Variants in GDF5 observed in about 807,000 individuals in gnomAD.
GDF5 encodes the protein growth differentiation factor 5, also known as growth/differentiation factor 5.
A neutral mutation model predicts 34.6 loss-of-function variants in GDF5; 17 were observed. The ratio of observed to expected loss-of-function variants is 0.49; its 90% CI spans 0.34 to 0.74. The LOEUF (loss-of-function observed/expected upper bound fraction) is 0.74. Ranked by LOEUF, GDF5 falls within the 30% of genes least tolerant of loss-of-function variation. GDF5 has a pLI of 0.01. For missense variants in GDF5, 616 were observed against 661.2 expected, an observed-to-expected ratio of 0.93 and a Z score of 0.75; for synonymous variants, 332 against 290.7, an observed-to-expected ratio of 1.14 and a Z score of -1.44.
chr20:35,446,321 AC>A (rs1186981681), intron 1 of GDF5, among the ~76,000 whole-genome samples: 1 of 152,176 alleles, frequency 6.6e-6, no homozygotes, highest in Non-Finnish European at 1.5e-5. Context: ...AAAAACAACA[AC>A]AAAAAAAAAC....
intron 1 of GDF5, chr20:35,454,113 G>A: frequency 4.5e-6 from 2 of 442,638 alleles, no homozygotes; most frequent in Non-Finnish European, 9.4e-6. Flanking sequence ...GAGTGCAAGA[G>A]TGAGGCAGGT....
Position 35,434,224 on chromosome 20 carries a change from C to G in GDF5, c.1191G>C (p.Lys397Asn), listed in dbSNP as rs370668642. The stretch of plus-strand genomic sequence containing the variant: ...GCAGTGCCTTCCGACTGCAGCGAGC[C>G]TTAAGGTTCTTGCTGGGTCGCTTGC... ...RQGKRPSKNL[K>N]ARCSRKALHV... The change falls in exon 2 of 2, where the codon AAG becomes AAC. Residue 397 changes from lysine to asparagine, a missense_variant. Coordinates refer to ENST00000374369, the MANE Select transcript of GDF5 (RefSeq NM_000557.5). The G allele has an allele frequency of 3.7e-6, 6 of 1,614,106 alleles. No individual in the cohort carries two copies. Among genetic ancestry groups the G allele is most frequent in the Non-Finnish European group, 5.1e-6 (6 of 1,180,044 alleles).
chr20:35,445,582 T>C (rs1477547292), intron 1 of GDF5, among the ~76,000 whole-genome samples: 1 of 152,140 alleles, frequency 6.6e-6, no homozygotes, highest in Non-Finnish European at 1.5e-5. Flanking sequence ...GAAAATCATT[T>C]GAACCCAGGA....
At chr20:35,435,815 G>T (rs1002854668) in intron 1 of GDF5, among the ~76,000 whole-genome samples, 6 of 152,214 alleles carry the variant, frequency 3.9e-5, no homozygotes, top group Non-Finnish European at 8.8e-5. Flanking sequence ...ATATGAAAGA[G>T]TGTATACGTT....
At position 35,438,202 on chromosome 20, in the gene GDF5, CG is replaced by C. The variant is rs1555823599; in HGVS notation, c.-275del. The C allele has an allele frequency of 1.9e-6, 1 of 534,004 alleles. No individual in the cohort carries two copies. The highest frequency in any genetic ancestry group is 2.1e-5 in the South Asian group (1 of 46,950). The allele number at this position is 534,004 out of a possible 1,614,324, so 33.1% of individuals were successfully genotyped here. On this transcript the variant is annotated 5_prime_UTR_variant, in exon 1 of 2. Transcript: ENST00000374369. ...TAACTCGTTCTTGAAAGGAGAAAGC[CG>C]ACCGCCCCCTTTCTCCTGCACAACT...
At chr20:35,451,862 T>C (rs2062535014) in intron 1 of GDF5, among the ~76,000 whole-genome samples, 1 of 152,094 alleles carries the variant, frequency 6.6e-6, no homozygotes, top group African/African-American at 2.4e-5. Context: ...ACTGATGTGG[T>C]GTACTCTTAT....
rs1437155538 is a variant in GDF5 at position 35,437,709 on chromosome 20, C to T, written c.220G>A (p.Ala74Thr). 2 of 1,613,928 alleles carry T rather than the reference C, an allele frequency of 1.2e-6. No individual in the cohort carries two copies. Among genetic ancestry groups the T allele is most frequent in the Admixed American group, 3.3e-5 (2 of 59,990 alleles). The change falls in exon 1 of 2, where the codon GCC becomes ACC. Residue 74 changes from alanine to threonine, a missense_variant. Physicochemically the swap from Ala to Thr is moderately conservative, Grantham distance 58 (BLOSUM62 0). Coordinates refer to ENST00000374369, the MANE Select transcript of GDF5 (RefSeq NM_000557.5). ...TGCCCGGTGCCTCCCTTTGCCCTGG[C>T]ATTGGCATTGGTGGCCCCCCCACCA... ...SYGGGATNANARAKGGTGQTG... is the reference protein window; with the variant it reads ...SYGGGATNANTRAKGGTGQTG...
chr20:35,445,505 A>G (rs1039002621), intron 1 of GDF5, among the ~76,000 whole-genome samples: 2 of 152,030 alleles, frequency 1.3e-5, no homozygotes, highest in African/African-American at 4.8e-5. Context: ...CTCTACTAAA[A>G]ATACAAAAAT....
chr20:35,437,591 T>A lies in GDF5; in HGVS notation c.338A>T (p.Gln113Leu). 6.2e-7 allele frequency: 1 copy of A among 1,614,104 alleles called. No homozygotes were observed. Among genetic ancestry groups the A allele is most frequent in the Non-Finnish European group, 8.5e-7 (1 of 1,180,004 alleles). ...AGTCCGGGCTGTAGCCTGCCTTGTT[T>A]GGGGAGGGTGTCCTGGCTTGGGTTC... ...GPEPKPGHPP[Q>L]TRQATARTVT... Residue 113 changes from glutamine to leucine, a missense_variant, in exon 1 of 2, where the codon CAA becomes CTA. Coordinates refer to ENST00000374369, the MANE Select transcript of GDF5 (RefSeq NM_000557.5).
At chr20:35,438,451 C>T (rs897746663), upstream of GDF5, among the ~76,000 whole-genome samples, 2 of 151,608 alleles carry the variant, frequency 1.3e-5, no homozygotes, top group South Asian at 2.1e-4. Flanking sequence ...GAATTGGAAA[C>T]GGAATTCCAA....
intron 1 of GDF5, among the ~76,000 whole-genome samples, chr20:35,447,206 C>T (rs755622124): frequency 3.9e-4 from 59 of 152,184 alleles, no homozygotes; most frequent in Middle Eastern, 3.4e-3. Flanking sequence ...CTTCCCCCTC[C>T]CCCCACCTCA....
rs1190405833 is a variant in GDF5 at position 35,437,833 on chromosome 20, G to A, written c.96C>T (p.Gly32=). ...ICTVLGAPDL[G]QRPQGTRPGL... is the part of the protein sequence containing the mutation. Reference sequence around the variant, plus strand: ...CTGGCCTGGTCCCCTGGGGTCTCTGGCCCAAGTCAGGGGCACCCAACACAG... The same window carrying A: ...CTGGCCTGGTCCCCTGGGGTCTCTGACCCAAGTCAGGGGCACCCAACACAG... The change falls in exon 1 of 2, where the codon GGC becomes GGT. Residue 32 remains glycine (G), a synonymous_variant. Transcript: ENST00000374369. 1.2e-6 allele frequency: 2 copies of A among 1,613,788 alleles called. No individual in the cohort carries two copies. Among genetic ancestry groups the A allele is most frequent in the Admixed American group, 3.3e-5 (2 of 59,944 alleles).
At chr20:35,443,883 T>A (rs1422735491) in intron 1 of GDF5, among the ~76,000 whole-genome samples, 1 of 152,144 alleles carries the variant, frequency 6.6e-6, no homozygotes, top group Non-Finnish European at 1.5e-5. Flanking sequence ...ATAATAATAA[T>A]AATCCCTTTT....
At chr20:35,449,988 C>CT (rs984975109) in intron 1 of GDF5, among the ~76,000 whole-genome samples, 15 of 147,972 alleles carry the variant, frequency 1.0e-4, no homozygotes, top group African/African-American at 3.8e-4. Flanking sequence ...AACCCTGTCT[C>CT]TTAAAAAAAA....
upstream of GDF5, among the ~76,000 whole-genome samples, chr20:35,439,437 C>T (rs1206945289): frequency 3.3e-5 from 5 of 152,058 alleles, no homozygotes; most frequent in African/African-American, 9.7e-5. Flanking sequence ...CCATGTTAGC[C>T]AGGATGGTCT....
At chr20:35,454,111 G>A (rs764472566) in intron 1 of GDF5, 6 of 445,432 alleles carry the variant, frequency 1.3e-5, no homozygotes, top group African/African-American at 4.1e-5. Context: ...CTGAGTGCAA[G>A]AGTGAGGCAG....
At chr20:35,450,450 C>T (rs1428356156) in intron 1 of GDF5, among the ~76,000 whole-genome samples, 3 of 152,206 alleles carry the variant, frequency 2.0e-5, no homozygotes, top group Middle Eastern at 3.4e-3. Flanking sequence ...ATCCTCAGCT[C>T]ACTTTAGTCA....
chr20:35,437,226 G>A (rs1414893743), intron 1 of GDF5, 72 bp downstream of exon 1: 3 of 1,111,404 alleles, frequency 2.7e-6, no homozygotes, highest in Non-Finnish European at 4.0e-6. Context: ...CAGTGCCAGG[G>A]CTTTGAAAGC....
chr20:35,444,653 G>A (rs1043381907), intron 1 of GDF5, among the ~76,000 whole-genome samples: 16 of 152,188 alleles, frequency 1.1e-4, no homozygotes, highest in African/African-American at 3.9e-4. Flanking sequence ...GGAGTGCAAT[G>A]GTGTGATCTC....
Sources: allele counts gnomAD v4.1 joint callset (sites outside exome capture counted in the v4.1 genomes callset), GRCh38; gene constraint gnomAD v4.1.1; transcripts MANE v1.5; gene names NCBI Gene and HGNC (gene_info 2026-07-23, HGNC 2026-07-21).